RBFOX1: variants seen among roughly 807,000 people sequenced by gnomAD.
The protein encoded by RBFOX1 is RNA binding fox-1 homolog 1.
A neutral mutation model predicts 57.7 loss-of-function variants in RBFOX1; 8 were observed. The observed-to-expected ratio is 0.14, with a 90% CI of 0.08 to 0.25. The LOEUF (loss-of-function observed/expected upper bound fraction) is 0.25. Among genes scored for constraint, RBFOX1 ranks in the 10% least tolerant of loss-of-function variants. RBFOX1 has a pLI of 1.00. For missense variants in RBFOX1, 611 were observed against 548.5 expected (o/e 1.11, Z -1.14); for synonymous variants, 326 against 222.4 (o/e 1.47, Z -4.15).
At chr16:6,675,893 G>A (rs1021785258) in intron 3 of RBFOX1, among the ~76,000 whole-genome samples, 9 of 151,356 alleles carry the variant, frequency 5.9e-5, no homozygotes, top group African/African-American at 2.2e-4. Flanking sequence ...AGGACCCAGT[G>A]AAACCATATC....
chr16:5,618,067 C>T (rs1334460757), intron 3 of RBFOX1, among the ~76,000 whole-genome samples: 1 of 152,206 alleles, frequency 6.6e-6, no homozygotes, highest in Non-Finnish European at 1.5e-5. Flanking sequence ...TGAATTTTTA[C>T]ATCTGTGTAT....
chr16:5,347,207 A>G (rs1292114621), intron 1 of RBFOX1, among the ~76,000 whole-genome samples: 1 of 151,840 alleles, frequency 6.6e-6, no homozygotes, highest in African/African-American at 2.4e-5. Flanking sequence ...TGTTTTCCTT[A>G]TTTATTATTG....
intron 3 of RBFOX1, among the ~76,000 whole-genome samples, chr16:6,728,233 G>A (rs942301694): frequency 6.6e-6 from 1 of 152,192 alleles, no homozygotes; most frequent in Non-Finnish European, 1.5e-5. Flanking sequence ...GCTTCTGCAG[G>A]ACTGCTATAT....
chr16:5,503,487 A>C (rs767542287), intron 2 of RBFOX1, among the ~76,000 whole-genome samples: 1 of 152,154 alleles, frequency 6.6e-6, no homozygotes, highest in Non-Finnish European at 1.5e-5. Context: ...CCCAGGCTGG[A>C]GTGCAGTGGC....
At chr16:5,716,236 C>G (rs2051693467) in intron 3 of RBFOX1, among the ~76,000 whole-genome samples, 1 of 152,160 alleles carries the variant, frequency 6.6e-6, no homozygotes, top group South Asian at 2.1e-4. Flanking sequence ...CCATTAAAAT[C>G]AGCGGCAAAA....
rs1491491088 is a variant in RBFOX1, at chr16:6,431,892, G to GCTTTTCTTTCTTTCTTTCTTT, written c.-64+114838_-64+114839insTTCTTTCTTTCTTTCTTTCTT. Among the ~76,000 whole-genome samples, 35 of 118,234 alleles carry GCTTTTCTTTCTTTCTTTCTTT rather than the reference G, an allele frequency of 3.0e-4. No homozygotes were observed. In the East Asian group the frequency reaches 5.7e-3, roughly 19 times the overall value. 77.6% of individuals were successfully genotyped at this position (118,234 alleles called of 152,430 possible). A position where few individuals can be genotyped will look rare whatever the true frequency, so the allele number is the denominator to read the frequency against. ...AACATGTCCAGAAATATGCTTGCTT[G>GCTTTTCTTTCTTTCTTTCTTT]CTTGCTTTCTTTCTTTCTTTCTTTC... is the stretch of plus-strand genomic sequence containing the variant. On this transcript the variant is annotated intron_variant, in intron 2 of 15. Transcript: ENST00000550418.
At chr16:7,076,200 A>AT (rs1293942484) in intron 4 of RBFOX1, among the ~76,000 whole-genome samples, 2 of 149,954 alleles carry the variant, frequency 1.3e-5, no homozygotes, top group Non-Finnish European at 1.5e-5. Context: ...CTACCTGCTA[A>AT]TTTTTTGTAT....
intron 4 of RBFOX1, among the ~76,000 whole-genome samples, chr16:7,347,861 C>G (rs1452986520): frequency 2.0e-5 from 3 of 152,240 alleles, no homozygotes; most frequent in Admixed American, 6.5e-5. Context: ...GAGCTGTTAG[C>G]CATTCCGAGA....
In RBFOX1 at chr16:6,502,021, G is replaced by T. The variant is rs74463476; in HGVS notation, c.-63-152582G>T. Among the ~76,000 whole-genome samples, 1,209 of 152,274 alleles carry T rather than the reference G, an allele frequency of 7.9e-3. 10 individuals are homozygous for T. Among genetic ancestry groups the T allele is most frequent in the Non-Finnish European group, 0.013 (864 of 68,016 alleles). ...CGTGTGTCCTTGATTTGGAATGCCTGCTTAGGGGGGTCATGAGGGTATAAC... is the reference window on the plus strand; with the variant it reads ...CGTGTGTCCTTGATTTGGAATGCCTTCTTAGGGGGGTCATGAGGGTATAAC... On this transcript the variant is annotated intron_variant, in intron 2 of 15. Coordinates refer to ENST00000550418, the MANE Select transcript of RBFOX1 (RefSeq NM_018723.4).
chr16:6,336,173 A>AT (rs2083669605), intron 2 of RBFOX1, among the ~76,000 whole-genome samples: 2 of 34,186 alleles, frequency 5.9e-5, no homozygotes, highest in African/African-American at 8.5e-5. Context: ...ATATATATAT[A>AT]TATATATATT....
At chr16:5,910,569 G>T (rs1373695708) in intron 4 of RBFOX1, among the ~76,000 whole-genome samples, 17 of 152,272 alleles carry the variant, frequency 1.1e-4, no homozygotes, top group Admixed American at 1.0e-3. Flanking sequence ...GTGGAGGAAG[G>T]TGTGAGGGTT....
At chr16:7,308,962 T>C (rs953627183) in intron 4 of RBFOX1, among the ~76,000 whole-genome samples, 2 of 152,238 alleles carry the variant, frequency 1.3e-5, no homozygotes, top group Non-Finnish European at 2.9e-5. Context: ...TCTTTTTGGC[T>C]TAATCCCGTG....
chr16:6,758,874 TA>T (rs2076194732), intron 3 of RBFOX1, among the ~76,000 whole-genome samples: 1 of 152,102 alleles, frequency 6.6e-6, no homozygotes, highest in South Asian at 2.1e-4. Context: ...AACCTCATCC[TA>T]ATAAAAGTAA....
Position 6,853,055 on chromosome 16 carries a change from A to G in RBFOX1, c.-16+198405A>G, listed in dbSNP as rs545308983. Among the ~76,000 whole-genome samples, 6 of 152,306 alleles carry G rather than the reference A, an allele frequency of 3.9e-5. No individual in the cohort carries two copies. The South Asian group carries it at 1.2e-3, about 32-fold the overall frequency. On this transcript the variant is annotated intron_variant, in intron 3 of 15. Coordinates refer to ENST00000550418, the MANE Select transcript of RBFOX1 (RefSeq NM_018723.4). ...CAGCTGGCTTATTGCCAGGCAACCC[A>G]GAGACAGCCTCTGGTGTTACCCTTC...
chr16:5,433,167 G>A (rs1220475218), intron 1 of RBFOX1, among the ~76,000 whole-genome samples: 2 of 152,156 alleles, frequency 1.3e-5, no homozygotes, highest in African/African-American at 2.4e-5. Context: ...ACACGTGTGA[G>A]CCGCTGTGCG....
intron 2 of RBFOX1, among the ~76,000 whole-genome samples, chr16:6,608,911 C>G (rs1325047718): frequency 6.6e-6 from 1 of 152,098 alleles, no homozygotes; most frequent in African/African-American, 2.4e-5. Flanking sequence ...TTTTCTTGCC[C>G]TTCCCAACTT....
At chr16:7,316,221 G>T (rs936292976) in intron 4 of RBFOX1, among the ~76,000 whole-genome samples, 2 of 152,178 alleles carry the variant, frequency 1.3e-5, no homozygotes, top group Non-Finnish European at 2.9e-5. Context: ...TTTAATTCAA[G>T]GCAGCAGTTA....
chr16:7,024,335 G>A (rs376446801), intron 3 of RBFOX1, among the ~76,000 whole-genome samples: 4 of 152,124 alleles, frequency 2.6e-5, no homozygotes, highest in Non-Finnish European at 5.9e-5. Context: ...TACCATAAGT[G>A]ATTTTTTAAA....
chr16:7,117,479 G>C (rs2066168563), intron 4 of RBFOX1, among the ~76,000 whole-genome samples: 1 of 152,088 alleles, frequency 6.6e-6, no homozygotes, highest in South Asian at 2.1e-4. Context: ...ATTACTTAAT[G>C]TGTGAGTTTA....
Sources: gnomAD v4.1 joint callset for allele counts (sites outside exome capture counted in the v4.1 genomes callset) on GRCh38, gnomAD v4.1.1 for gene constraint, MANE v1.5 for transcripts, NCBI Gene and HGNC (gene_info 2026-07-23, HGNC 2026-07-21) for gene names.